Variants in HBS1L observed in about 807,000 individuals in gnomAD.
The protein encoded by HBS1L is HBS1-like protein.
HBS1L carries 55 observed loss-of-function variants against 88.9 expected under a neutral mutation model. The ratio of observed to expected loss-of-function variants is 0.62; its 90% CI spans 0.50 to 0.77. HBS1L has a LOEUF of 0.77. HBS1L is among the 30% of genes least tolerant of loss of function. HBS1L has a pLI of 0.00. For missense variants in HBS1L, 741 were observed against 829.3 expected, an observed-to-expected ratio of 0.89 and a Z score of 1.31; for synonymous variants, 267 against 288.5, an observed-to-expected ratio of 0.93 and a Z score of 0.76.
At chr6:135,050,439 T>C (rs1211023342) in intron 2 of HBS1L, 143 bp downstream of exon 2, 4 of 524,590 alleles carry the variant, frequency 7.6e-6, no homozygotes, top group Non-Finnish European at 1.0e-5. Context: ...GAAATTATTT[T>C]ATATGCCTTT....
intron 8 of HBS1L, among the ~76,000 whole-genome samples, chr6:134,992,321 A>G (rs1346616128): frequency 1.3e-5 from 2 of 152,216 alleles, no homozygotes; most frequent in Non-Finnish European, 2.9e-5. Context: ...CCATAAGATT[A>G]TAATGGAGCT....
intron 3 of HBS1L, among the ~76,000 whole-genome samples, chr6:135,041,446 TAA>T (rs1200919991): frequency 3.3e-5 from 5 of 152,058 alleles, no homozygotes; most frequent in Non-Finnish European, 5.9e-5. Flanking sequence ...TTAAAATGTT[TAA>T]GAGAGTTGAA....
chr6:134,965,178 CAT>C lies in HBS1L; in HGVS notation c.*99_*100del. ...TTAATTTTTCTCTCTCATCTAAAAACATATCAATTGCACATTGTTCCTTTGAC... is the reference window on the plus strand; with the variant it reads ...TTAATTTTTCTCTCTCATCTAAAAACATCAATTGCACATTGTTCCTTTGAC... On this transcript the variant is annotated 3_prime_UTR_variant, in exon 18 of 18. Transcript: ENST00000367837. 2 of 960,952 alleles carry C rather than the reference CAT, an allele frequency of 2.1e-6. No individual in the cohort carries two copies. The highest frequency in any genetic ancestry group is 2.7e-5 in the South Asian group (2 of 73,496). The allele number at this position is 960,952 out of a possible 1,614,324, so 59.5% of individuals were successfully genotyped here. A position where few individuals can be genotyped will look rare whatever the true frequency, so the allele number is the denominator to read the frequency against.
At position 135,002,810 on chromosome 6, in the gene HBS1L, C is replaced by T. The variant is rs1353008413; in HGVS notation, c.463G>A (p.Glu155Lys). ...KPVDSQTSRS[E>K]SEIVPKVAKM... The stretch of plus-strand genomic sequence containing the variant: ...GCAACTTTTGGCACAATTTCAGATT[C>T]ACTTCGCGATGTCTGGGAATCTACT... The change falls in exon 5 of 18, where the codon GAA becomes AAA. Residue 155 changes from glutamate to lysine, a missense_variant. Physicochemically the swap from Glu to Lys is moderately conservative, Grantham distance 56 (BLOSUM62 1). Around this residue, in one of 3 missense-constraint regions of HBS1L, gnomAD observed 556 missense variants for 598.4 expected, o/e 0.93. Transcript: ENST00000367837. The T allele has an allele frequency of 4.3e-6, 7 of 1,613,156 alleles. No homozygotes were observed. Among genetic ancestry groups the T allele is most frequent in the African/African-American group, 1.3e-5 (1 of 74,982 alleles).
intron 2 of HBS1L, among the ~76,000 whole-genome samples, chr6:135,042,444 G>A (rs1192374948): frequency 1.3e-5 from 2 of 151,730 alleles, no homozygotes; most frequent in Non-Finnish European, 2.9e-5. Flanking sequence ...ACTATTCTGT[G>A]TTCCCTGAAA....
Position 135,002,860 on chromosome 6 carries a change from T to G in HBS1L, c.431-18A>C. ...TGGTTTTCCTAGTTAAGGAGTAAAATATAAAAGGCCAATTAATTTCTTTAG... is the reference window on the plus strand; with the variant it reads ...TGGTTTTCCTAGTTAAGGAGTAAAAGATAAAAGGCCAATTAATTTCTTTAG... On this transcript the variant is annotated intron_variant, in intron 4 of 17. Transcript: ENST00000367837. 6.9e-7 allele frequency: 1 copy of G among 1,455,366 alleles called. No individual in the cohort carries two copies. The highest frequency in any genetic ancestry group is 9.6e-7 in the Non-Finnish European group (1 of 1,037,086). The allele number at this position is 1,455,366 out of a possible 1,614,324, so 90.2% of individuals were successfully genotyped here.
chr6:135,005,009 A>G (rs2114822074), intron 4 of HBS1L, among the ~76,000 whole-genome samples: 1 of 152,328 alleles, frequency 6.6e-6, no homozygotes, highest in South Asian at 2.1e-4. Flanking sequence ...GGTGGTGCCA[A>G]TGAAGCTAAG....
chr6:134,999,448 C>CTTTTTTTT lies in HBS1L; in HGVS notation c.540-1800_540-1793dup, dbSNP rs35807723. On this transcript the variant is annotated intron_variant, in intron 5 of 17. Transcript: ENST00000367837. Reference sequence around the variant, plus strand: ...TCATTTAAGTAAATCTTTTTCTTTTCTTTTTTTTTTTTTTTTTGAGATGGA... The same window carrying CTTTTTTTT: ...TCATTTAAGTAAATCTTTTTCTTTTCTTTTTTTTTTTTTTTTTTTTTTTTTGAGATGGA... 1.6e-3 allele frequency among the ~76,000 whole-genome samples: 198 copies of CTTTTTTTT among 124,706 alleles called. 5 individuals are homozygous for CTTTTTTTT. The highest frequency in any genetic ancestry group is 3.0e-3 in the East Asian group (13 of 4,292). The allele number at this position is 124,706 out of a possible 152,430, so 81.8% of individuals were successfully genotyped here.
Position 134,986,815 on chromosome 6 carries a change from T to A in HBS1L, c.1231-5A>T. ...CCTTTCTTGTTGCCAATTAACCTGA[T>A]AAAGATCCAATTTATTTTTAAAACT... On this transcript the variant is annotated splice_polypyrimidine_tract_variant and splice_region_variant and intron_variant, in intron 9 of 17. Coordinates refer to ENST00000367837, the MANE Select transcript of HBS1L (RefSeq NM_006620.4). 1 of 1,504,760 alleles carries A rather than the reference T, an allele frequency of 6.6e-7. No individual in the cohort carries two copies. The highest frequency in any genetic ancestry group is 9.0e-7 in the Non-Finnish European group (1 of 1,114,622). The allele number at this position is 1,504,760 out of a possible 1,614,324, so 93.2% of individuals were successfully genotyped here. A position where few individuals can be genotyped will look rare whatever the true frequency, so the allele number is the denominator to read the frequency against.
chr6:134,995,721 T>C (rs1184728287), intron 7 of HBS1L, among the ~76,000 whole-genome samples: 1 of 152,020 alleles, frequency 6.6e-6, no homozygotes, highest in Non-Finnish European at 1.5e-5. Context: ...AGGCTTCTAC[T>C]ATTGCATCAT....
In HBS1L at chr6:134,979,118, T is replaced by C; in HGVS notation, c.1688+60A>G. On this transcript the variant is annotated intron_variant, in intron 14 of 17. Transcript: ENST00000367837. Reference sequence around the variant, plus strand: ...GAACTAGCAGGTTGCAAAATATATGTGTTTAGAGGTGAGGTCCTATATGAA... The same window carrying C: ...GAACTAGCAGGTTGCAAAATATATGCGTTTAGAGGTGAGGTCCTATATGAA... 7 of 1,183,670 alleles carry C rather than the reference T, an allele frequency of 5.9e-6. No homozygotes were observed. The South Asian group carries it at 6.3e-5, about 11-fold the overall frequency. The allele number at this position is 1,183,670 out of a possible 1,614,324, so 73.3% of individuals were successfully genotyped here.
intron 2 of HBS1L, among the ~76,000 whole-genome samples, chr6:135,046,983 T>A (rs897176443): frequency 2.0e-5 from 3 of 152,248 alleles, no homozygotes; most frequent in African/African-American, 7.2e-5. Flanking sequence ...TCGTATGCTT[T>A]TGTTAAAAAT....
Position 135,039,572 on chromosome 6 carries a change from C to T in HBS1L, c.430+1G>A, listed in dbSNP as rs761815861. 8.1e-6 allele frequency: 13 copies of T among 1,612,350 alleles called. No homozygotes were observed. The highest frequency in any genetic ancestry group is 2.2e-5 in the South Asian group (2 of 90,764). ...GTGAAAAAGAACAAGTAAAGGCATA[C>T]CTTTTGCTATCTTTCCTGTAGATAC... On this transcript the variant is annotated splice_donor_variant, in intron 4 of 17. Transcript: ENST00000367837. LOFTEE classifies it high-confidence loss of function.
At position 135,049,657 on chromosome 6, in the gene HBS1L, T is replaced by C. The variant is rs900672260; in HGVS notation, c.109+925A>G. On this transcript the variant is annotated intron_variant, in intron 2 of 17. Transcript: ENST00000367837. ...TGTGATCTCAGCTCACTGCAACCTC[T>C]GCCTCCCAGGTTCAAGCAATTCTCC... Among the ~76,000 whole-genome samples, 15 of 152,162 alleles carry C rather than the reference T, an allele frequency of 9.9e-5. 2 individuals carry two copies. The highest frequency in any genetic ancestry group is 2.6e-4 in the Admixed American group (4 of 15,280).
At chr6:134,970,665 G>C (rs1184285262) in intron 15 of HBS1L, among the ~76,000 whole-genome samples, 1 of 150,514 alleles carries the variant, frequency 6.6e-6, no homozygotes, top group Non-Finnish European at 1.5e-5. Context: ...GTGTAGAGCT[G>C]AATTTTAGGC....
intron 4 of HBS1L, among the ~76,000 whole-genome samples, chr6:135,030,070 G>C (rs1776341238): frequency 6.6e-6 from 1 of 152,168 alleles, no homozygotes; most frequent in South Asian, 2.1e-4. Flanking sequence ...TTATGTGCCA[G>C]ACATATTCTG....
At position 135,042,102 on chromosome 6, in the gene HBS1L, C is replaced by T. The variant is rs757081687; in HGVS notation, c.134G>A (p.Arg45His). ...CACAGGCTCAACGGAAGGTTTGTCA[C>T]GCCGTGAATAAATAAACTGAGCAGC... ...STAAQFIYSR[R>H]DKPSVEPVEE... Residue 45 changes from arginine (R) to histidine (H), a missense_variant, in exon 3 of 18, where the codon CGT becomes CAT. Around this residue, in one of 3 missense-constraint regions of HBS1L, gnomAD observed 556 missense variants for 598.4 expected, o/e 0.93. Transcript: ENST00000367837. 26 of 1,612,658 alleles carry T rather than the reference C, an allele frequency of 1.6e-5. No homozygotes were observed. The highest frequency in any genetic ancestry group is 3.3e-5 in the South Asian group (3 of 90,952).
chr6:135,044,180 A>T (rs1776838540), intron 2 of HBS1L, among the ~76,000 whole-genome samples: 2 of 152,216 alleles, frequency 1.3e-5, no homozygotes, highest in South Asian at 4.1e-4. Context: ...TTAAAAGTGT[A>T]AAATCCTATA....
intron 17 of HBS1L, among the ~76,000 whole-genome samples, chr6:134,965,718 A>G (rs1774293974): frequency 6.6e-6 from 1 of 152,214 alleles, no homozygotes; most frequent in African/African-American, 2.4e-5. Context: ...AAACTGGTGG[A>G]GCAAGAACAC....
Sources: gnomAD v4.1 joint callset for allele counts (sites outside exome capture counted in the v4.1 genomes callset) on GRCh38, gnomAD v4.1.1 for gene constraint, gnomAD v4.1.1 regional missense constraint, MANE v1.5 for transcripts, NCBI Gene and HGNC (gene_info 2026-07-23, HGNC 2026-07-21) for gene names.